NDUFS3: variants seen among roughly 807,000 people sequenced by gnomAD.
NDUFS3 encodes the protein NADH dehydrogenase [ubiquinone] iron-sulfur protein 3, mitochondrial.
NDUFS3 carries 19 observed loss-of-function variants against 30.8 expected under a neutral mutation model. That is an observed-to-expected ratio of 0.62 (90% CI 0.43 to 0.91). The LOEUF is 0.91. NDUFS3 is among the 40% of genes least tolerant of loss of function. The pLI is 0.00. For synonymous variants in NDUFS3, 153 were observed against 135.8 expected (o/e 1.13, Z -0.88); for missense variants, 331 against 342.0 (o/e 0.97, Z 0.25).
At chr11:47,581,315 G>C (rs530013701) in intron 4 of NDUFS3, 1 of 336,292 alleles carries the variant, frequency 3.0e-6, no homozygotes, top group Non-Finnish European at 5.7e-6. Flanking sequence ...CACCACGCCC[G>C]GCTAATTTTT....
chr11:47,582,793 C>T (rs748797980), intron 6 of NDUFS3, among the ~76,000 whole-genome samples: 3 of 152,046 alleles, frequency 2.0e-5, no homozygotes, highest in Non-Finnish European at 2.9e-5. Flanking sequence ...TCCAGGAGTT[C>T]GAGAACAGCC....
chr11:47,579,506 G>A, intron 2 of NDUFS3, 172 bp downstream of exon 2: 2 of 732,348 alleles, frequency 2.7e-6, no homozygotes, highest in Non-Finnish European at 4.6e-6. Context: ...CCTTAGGCCT[G>A]TTATGGCCCT....
At chr11:47,581,063 T>TA (rs2097268610) in intron 4 of NDUFS3, 79 bp downstream of exon 4, 1 of 1,564,302 alleles carries the variant, frequency 6.4e-7, no homozygotes, top group Non-Finnish European at 8.8e-7. Context: ...ACACAGCAGT[T>TA]AAACTGGAAC....
chr11:47,579,310 G>C lies in NDUFS3; in HGVS notation c.109G>C (p.Glu37Gln), dbSNP rs749766987. The C allele has an allele frequency of 1.9e-6, 3 of 1,614,108 alleles. No homozygotes were observed. The highest frequency in any genetic ancestry group is 1.7e-5 in the Admixed American group (1 of 60,038). ...CGTTCTGTTGCTGCCGGTGAGGCGG[G>C]AGAGCGCCGGGGCCGACACGCGCCG... ...PSVLLLPVRR[E>Q]SAGADTRPTV... Residue 37 changes from glutamate (E) to glutamine (Q), a missense_variant, in exon 2 of 7, where the codon GAG becomes CAG. Physicochemically the swap from Glu to Gln is conservative, Grantham distance 29 (BLOSUM62 2). Transcript: ENST00000263774.
At chr11:47,580,087 A>AGG (rs1314864935) in intron 2 of NDUFS3, among the ~76,000 whole-genome samples, 4 of 151,956 alleles carry the variant, frequency 2.6e-5, no homozygotes, top group Non-Finnish European at 4.4e-5. Context: ...AAGGAGAGAG[A>AGG]GAGTCTGTGA....
rs749217797 is a variant in NDUFS3, at chr11:47,584,381, A to G, written c.695A>G (p.Lys232Arg). The change falls in exon 7 of 7, where the codon AAA becomes AGA. Residue 232 changes from lysine (K) to arginine (R), a missense_variant. Lys to Arg is a conservative substitution (Grantham distance 26). Transcript: ENST00000263774. Reference protein sequence around the residue: ...EPVELAQEFRKFDLNSPWEAF... With the variant: ...EPVELAQEFRRFDLNSPWEAF... ...GTGGAGTTGGCCCAAGAGTTCCGCA[A>G]ATTTGACCTGAACAGCCCCTGGGAG... 1 of 1,614,112 alleles carries G rather than the reference A, an allele frequency of 6.2e-7. No homozygotes were observed. The highest frequency in any genetic ancestry group is 8.5e-7 in the Non-Finnish European group (1 of 1,180,018).
In NDUFS3 at chr11:47,579,340, T is replaced by G. The variant is rs1350056857; in HGVS notation, c.133+6T>G. On this transcript the variant is annotated splice_donor_region_variant and intron_variant, in intron 2 of 6. Transcript: ENST00000263774. ...CGCCGGGGCCGACACGCGCCGTGAG[T>G]ATGTGCGGGCAGCGCTCTTCTCTGA... The G allele has an allele frequency of 6.2e-7, 1 of 1,613,496 alleles. No homozygotes were observed. Among genetic ancestry groups the G allele is most frequent in the African/African-American group, 1.3e-5 (1 of 75,012 alleles).
At chr11:47,582,713 ATAATG>A (rs1236831556) in intron 6 of NDUFS3, among the ~76,000 whole-genome samples, 1 of 152,242 alleles carries the variant, frequency 6.6e-6, no homozygotes, top group Non-Finnish European at 1.5e-5. Flanking sequence ...CTGGCATTAA[ATAATG>A]TATGTGTAGG....
chr11:47,581,294 C>T, intron 4 of NDUFS3: 1 of 376,806 alleles, frequency 2.7e-6, no homozygotes, highest in South Asian at 2.2e-5. Context: ...GCTGGGACTA[C>T]AGGTGCATGC....
chr11:47,584,191 AC>A, intron 6 of NDUFS3, 122 bp from the exon 7 acceptor site: 1 of 1,261,140 alleles, frequency 7.9e-7, no homozygotes, highest in Non-Finnish European at 1.2e-6. Context: ...AGAGGCTGGG[AC>A]AGGAGTCAGT....
At chr11:47,581,010 T>C (rs759482205) in intron 4 of NDUFS3, 26 bp downstream of exon 4, 3 of 1,614,012 alleles carry the variant, frequency 1.9e-6, no homozygotes, top group Non-Finnish European at 2.5e-6. Context: ...TGAGAAGGTT[T>C]TGGGGGTAAG....
rs766631442 is a variant in NDUFS3 at position 47,584,459 on chromosome 11, A to G, written c.773A>G (p.Asp258Gly). ...GAGAGTCTCAAGCTTGAAGCCGGAG[A>G]CAAGAAGCCTGATGCCAAGTAGCTC... is the stretch of plus-strand genomic sequence containing the variant. The part of the protein sequence containing the change: ...PPESLKLEAG[D>G]KKPDAK The change falls in exon 7 of 7, where the codon GAC becomes GGC. Residue 258 changes from aspartate to glycine, a missense_variant. Physicochemically the swap from Asp to Gly is moderately conservative, Grantham distance 94. Coordinates refer to ENST00000263774, the MANE Select transcript of NDUFS3 (RefSeq NM_004551.3). 8.7e-6 allele frequency: 14 copies of G among 1,613,978 alleles called. No individual in the cohort carries two copies. The highest frequency in any genetic ancestry group is 1.1e-5 in the Non-Finnish European group (13 of 1,180,030).
At position 47,580,508 on chromosome 11, in the gene NDUFS3, A is replaced by C. The variant is rs561407271; in HGVS notation, c.134-17A>C. 6.2e-5 allele frequency: 100 copies of C among 1,613,582 alleles called. 1 individual carries two copies. Among genetic ancestry groups the C allele is most frequent in the South Asian group, 4.7e-4 (43 of 91,078 alleles). On this transcript the variant is annotated splice_polypyrimidine_tract_variant and intron_variant, in intron 2 of 6. Transcript: ENST00000263774. ...TGCCTTCTCCATTTCTTTTTTAAATATGCCTTTTCCTTCCAGCCACTGTCA... is the reference window on the plus strand; with the variant it reads ...TGCCTTCTCCATTTCTTTTTTAAATCTGCCTTTTCCTTCCAGCCACTGTCA...
At chr11:47,579,399 G>A in intron 2 of NDUFS3, 65 bp downstream of exon 2, 1 of 1,585,810 alleles carries the variant, frequency 6.3e-7, no homozygotes, top group East Asian at 2.2e-5. Flanking sequence ...GCCTGTCCTT[G>A]CCCTAGGATG....
At position 47,580,865 on chromosome 11, in the gene NDUFS3, A is replaced by G; in HGVS notation, c.262A>G (p.Ile88Val). ...CTGCTTCAATGAGTTAGAGGTCTGT[A>G]TCCATCCTGATGGCGTCATCCCAGT... Reference protein sequence around the residue: ...VSCFNELEVCIHPDGVIPVLT... With the variant: ...VSCFNELEVCVHPDGVIPVLT... Residue 88 changes from isoleucine (I) to valine (V), a missense_variant, in exon 4 of 7, where the codon ATC becomes GTC. Physicochemically the swap from Ile to Val is conservative, Grantham distance 29. Coordinates refer to ENST00000263774, the MANE Select transcript of NDUFS3 (RefSeq NM_004551.3). 1 of 1,614,174 alleles carries G rather than the reference A, an allele frequency of 6.2e-7. No homozygotes were observed. Among genetic ancestry groups the G allele is most frequent in the Non-Finnish European group, 8.5e-7 (1 of 1,180,036 alleles).
At chr11:47,579,623 T>C (rs2097266950) in intron 2 of NDUFS3, 1 of 567,134 alleles carries the variant, frequency 1.8e-6, no homozygotes, top group South Asian at 2.1e-5. Context: ...GTAATAATAG[T>C]ACCTAGCGTT....
chr11:47,580,713 TA>T (rs754523022), intron 3 of NDUFS3, 91 bp downstream of exon 3: 179 of 1,584,350 alleles, frequency 1.1e-4, no homozygotes, highest in Non-Finnish European at 1.5e-4. Context: ...TCAAAGAAAC[TA>T]CAGATTCCTC....
Position 47,580,980 on chromosome 11 carries a change from T to G in NDUFS3, c.377T>G (p.Phe126Cys). The G allele has an allele frequency of 6.2e-7, 1 of 1,614,206 alleles. No homozygotes were observed. The change falls in exon 4 of 7, where the codon TTT (phenylalanine) becomes TGT (cysteine). Residue 126 changes from phenylalanine to cysteine, a missense_variant. By Grantham distance (205) the Phe-to-Cys change is radical. Transcript: ENST00000263774. ...AVDVPTRQNR[F>C]EIVYNLLSLR... Reference sequence around the variant, plus strand: ...GACGTCCCAACTCGGCAAAACCGTTTTGAGGTCAGTTGGGAGATCTGAGAA... The same window carrying G: ...GACGTCCCAACTCGGCAAAACCGTTGTGAGGTCAGTTGGGAGATCTGAGAA...
intron 2 of NDUFS3, chr11:47,579,597 T>C (rs2097266925): frequency 1.7e-6 from 1 of 594,462 alleles, no homozygotes; most frequent in Non-Finnish European, 3.0e-6. Context: ...ATATAACCTT[T>C]AGGCCTCAGA....
Sources: gnomAD v4.1 joint callset for allele counts (sites outside exome capture counted in the v4.1 genomes callset) on GRCh38, gnomAD v4.1.1 for gene constraint, MANE v1.5 for transcripts, NCBI Gene and HGNC (gene_info 2026-07-23, HGNC 2026-07-21) for gene names.